Variants in CEMIP observed in about 807,000 individuals in gnomAD.
The protein encoded by CEMIP is cell migration-inducing and hyaluronan-binding protein.
Under a neutral mutation model 156.9 loss-of-function variants are expected in CEMIP, and 105 were observed. The observed-to-expected ratio is 0.67, with a 90% CI of 0.57 to 0.79. CEMIP has a LOEUF of 0.79. Ranked by LOEUF, CEMIP falls within the 30% of genes least tolerant of loss-of-function variation. The probability of loss-of-function intolerance (pLI) is 0.00; values close to 1 mark genes in which losing one functional copy is unlikely to be tolerated. For synonymous variants in CEMIP, 676 were observed against 668.4 expected, an observed-to-expected ratio of 1.01 and a Z score of -0.17; for missense variants, 1,457 against 1,769.4, an observed-to-expected ratio of 0.82 and a Z score of 3.17.
chr15:80,934,727 G>T (rs935065455), intron 23 of CEMIP, among the ~76,000 whole-genome samples: 7 of 152,160 alleles, frequency 4.6e-5, no homozygotes, highest in Non-Finnish European at 7.3e-5. Context: ...GCCATAAGGG[G>T]CAAAGAGGGC....
At chr15:80,781,411 A>T (rs1204903233) in intron 1 of CEMIP, among the ~76,000 whole-genome samples, 1 of 152,224 alleles carries the variant, frequency 6.6e-6, no homozygotes, top group East Asian at 1.9e-4. Flanking sequence ...TTTTTAGCCC[A>T]GTAGATGACT....
chr15:80,852,192 A>G (rs1366620711), intron 1 of CEMIP, among the ~76,000 whole-genome samples: 5 of 152,180 alleles, frequency 3.3e-5, no homozygotes, highest in African/African-American at 7.2e-5. Flanking sequence ...TGAAATTCTG[A>G]TAACTGGGAC....
chr15:80,948,679 G>A (rs1901673617), intron 29 of CEMIP, 118 bp from the exon 30 acceptor site: 2 of 1,334,240 alleles, frequency 1.5e-6, no homozygotes, highest in Admixed American at 1.7e-5. Context: ...CCACAGTGCA[G>A]TGTGGCTAGG....
chr15:80,900,328 G>C (rs1899421897), intron 12 of CEMIP, among the ~76,000 whole-genome samples: 1 of 13,544 alleles, frequency 7.4e-5, no homozygotes, highest in African/African-American at 1.5e-4. Flanking sequence ...CAGAATGCAG[G>C]GGGGCAGCTC....
intron 13 of CEMIP, among the ~76,000 whole-genome samples, chr15:80,907,561 A>C (rs1186235360): frequency 6.6e-6 from 1 of 152,242 alleles, no homozygotes; most frequent in Admixed American, 6.5e-5. Flanking sequence ...CTCCATCTCA[A>C]AACAAAAACA....
intron 7 of CEMIP, among the ~76,000 whole-genome samples, chr15:80,886,522 G>A (rs908251271): frequency 2.0e-5 from 3 of 152,166 alleles, no homozygotes; most frequent in African/African-American, 4.8e-5. Flanking sequence ...AAAATCGATT[G>A]ATAGCTTATA....
chr15:80,941,952 A>G lies in CEMIP; in HGVS notation c.3511A>G (p.Asn1171Asp), dbSNP rs1329189084. The G allele has an allele frequency of 6.2e-7, 1 of 1,614,004 alleles. No individual in the cohort carries two copies. Among genetic ancestry groups the G allele is most frequent in the South Asian group, 1.1e-5 (1 of 91,062 alleles). The stretch of plus-strand genomic sequence containing the variant: ...AAAGATTAAAGCTCTGATTCCAAAG[A>G]ACGCAGGCGTCAGTGACTGCACAGC... ...RIKIKALIPK[N>D]AGVSDCTATA... Residue 1171 changes from asparagine (N) to aspartate (D), a missense_variant, in exon 26 of 30, where the codon AAC (asparagine) becomes GAC (aspartate). Physicochemically the swap from Asn to Asp is conservative, Grantham distance 23. Transcript: ENST00000394685.
At chr15:80,800,395 T>C (rs1896346425) in intron 1 of CEMIP, among the ~76,000 whole-genome samples, 1 of 152,198 alleles carries the variant, frequency 6.6e-6, no homozygotes, top group South Asian at 2.1e-4. Context: ...ACAGAGTCAA[T>C]GACTGCTACC....
chr15:80,823,216 G>A (rs76536976), intron 1 of CEMIP, among the ~76,000 whole-genome samples: 16,554 of 152,092 alleles, frequency 0.11, 1,159 homozygotes, highest in Non-Finnish European at 0.16. Context: ...GGGGAGTCTC[G>A]GCCTGTGTGG....
At chr15:80,948,717 C>A in intron 29 of CEMIP, 80 bp from the exon 30 acceptor site, 2 of 1,591,984 alleles carry the variant, frequency 1.3e-6, no homozygotes, top group Middle Eastern at 1.7e-4. Context: ...GGGGGGCTGG[C>A]GATGGGGAGC....
intron 1 of CEMIP, among the ~76,000 whole-genome samples, chr15:80,839,005 A>T (rs1024653639): frequency 2.0e-5 from 3 of 152,126 alleles, no homozygotes; most frequent in Admixed American, 2.0e-4. Flanking sequence ...AGCACTCAGG[A>T]GCTGAGGCCA....
intron 13 of CEMIP, among the ~76,000 whole-genome samples, chr15:80,907,136 C>A (rs1433256036): frequency 6.6e-6 from 1 of 152,224 alleles, no homozygotes; most frequent in African/African-American, 2.4e-5. Flanking sequence ...TCCTTGTCTT[C>A]ATTATTTCAT....
At position 80,949,638 on chromosome 15, in the gene CEMIP, T is replaced by C. The variant is rs1035874488; in HGVS notation, c.*714T>C. The stretch of plus-strand genomic sequence containing the variant: ...GGATATCCACTGATATCCATGATGC[T>C]GGGTGCCCCAGCGCACACGGGATGG... On this transcript the variant is annotated 3_prime_UTR_variant, in exon 30 of 30. Transcript: ENST00000394685. The C allele has an allele frequency of 6.3e-6, 1 of 158,840 alleles. No homozygotes were observed. Among genetic ancestry groups the C allele is most frequent in the African/African-American group, 2.4e-5 (1 of 41,502 alleles). The allele number at this position is 158,840 out of a possible 1,614,324, so 9.8% of individuals were successfully genotyped here. A position where few individuals can be genotyped will look rare whatever the true frequency, so the allele number is the denominator to read the frequency against.
At chr15:80,855,600 T>C (rs1446971460) in intron 1 of CEMIP, among the ~76,000 whole-genome samples, 1 of 152,120 alleles carries the variant, frequency 6.6e-6, no homozygotes, top group African/African-American at 2.4e-5. Context: ...TTCTGCCTCC[T>C]GGGTTCAAGC....
chr15:80,844,584 A>G (rs994569534), intron 1 of CEMIP, among the ~76,000 whole-genome samples: 12 of 152,252 alleles, frequency 7.9e-5, no homozygotes, highest in African/African-American at 2.9e-4. Flanking sequence ...AGGAATGTCT[A>G]TTCATTTCAG....
At chr15:80,942,859 T>C (rs1901393692) in intron 27 of CEMIP, 86 bp from the exon 28 acceptor site, 2 of 1,519,958 alleles carry the variant, frequency 1.3e-6, no homozygotes, top group Non-Finnish European at 1.8e-6. Context: ...ACTTCTGCCT[T>C]CAGGGTCTGC....
chr15:80,867,990 T>C (rs1898176751), intron 1 of CEMIP, among the ~76,000 whole-genome samples: 1 of 152,130 alleles, frequency 6.6e-6, no homozygotes, highest in Non-Finnish European at 1.5e-5. Context: ...TTCTGTCCCA[T>C]GGGAACAAGA....
Position 80,854,051 on chromosome 15 carries a change from C to G in CEMIP, c.-175-19487C>G, listed in dbSNP as rs530262516. Among the ~76,000 whole-genome samples, 13 of 152,370 alleles carry G rather than the reference C, an allele frequency of 8.5e-5. No homozygotes were observed. In the South Asian group the frequency reaches 2.5e-3, roughly 29 times the overall value. On this transcript the variant is annotated intron_variant, in intron 1 of 29. Transcript: ENST00000394685. The stretch of plus-strand genomic sequence containing the variant: ...AGCTGGAGTCAGAGAGATCTGTGTT[C>G]AGATTCCAACCAGGCACTGTCCCCT...
intron 1 of CEMIP, among the ~76,000 whole-genome samples, chr15:80,821,699 C>T (rs1323150552): frequency 6.6e-6 from 1 of 152,158 alleles, no homozygotes; most frequent in African/African-American, 2.4e-5. Context: ...TTGTGTATCC[C>T]TTACATCTCT....
Sources: allele counts gnomAD v4.1 joint callset (sites outside exome capture counted in the v4.1 genomes callset), GRCh38; gene constraint gnomAD v4.1.1; transcripts MANE v1.5; gene names NCBI Gene and HGNC (gene_info 2026-07-23, HGNC 2026-07-21).